PRPF31: variants seen among roughly 807,000 people sequenced by gnomAD.
PRPF31 encodes the protein U4/U6 small nuclear ribonucleoprotein Prp31.
PRPF31 carries 12 observed loss-of-function variants against 60.4 expected under a neutral mutation model. That is an observed-to-expected ratio of 0.20 (90% confidence interval 0.13 to 0.32). The LOEUF (loss-of-function observed/expected upper bound fraction) is 0.32, where lower values mean the gene tolerates loss of function less well. PRPF31 is among the 10% of genes least tolerant of loss of function. The pLI is 1.00. For synonymous variants in PRPF31, 287 were observed against 287.9 expected (o/e 1.00, Z 0.03); for missense variants, 431 against 687.1 (o/e 0.63, Z 4.17).
intron 3 of PRPF31, 42 bp downstream of exon 3, chr19:54,118,675 T>C (rs2073711804): frequency 1.2e-6 from 2 of 1,601,294 alleles, no homozygotes; most frequent in African/African-American, 2.7e-5. Flanking sequence ...CTCCTGTCTC[T>C]CCTGCCAGGC....
chr19:54,124,131 C>A, intron 7 of PRPF31: 1 of 1,080,122 alleles, frequency 9.3e-7, no homozygotes, highest in African/African-American at 1.6e-5. Context: ...TCCCCTGTGC[C>A]GGAAACCCAG....
chr19:54,131,542 C>G lies in PRPF31; in HGVS notation c.*110C>G. 1.3e-6 allele frequency: 2 copies of G among 1,504,426 alleles called. No individual in the cohort carries two copies. The highest frequency in any genetic ancestry group is 3.9e-5 in the Admixed American group (2 of 51,664). The allele number at this position is 1,504,426 out of a possible 1,614,324, so 93.2% of individuals were successfully genotyped here. On this transcript the variant is annotated 3_prime_UTR_variant, in exon 14 of 14. Transcript: ENST00000321030. ...GGGAGAACCTGCCCTGCCACTGGCC[C>G]CATTGCTGGGACTGCCCAGGGAGGA...
intron 8 of PRPF31, chr19:54,125,095 A>C: frequency 3.6e-6 from 1 of 278,524 alleles, no homozygotes; most frequent in Non-Finnish European, 7.1e-6. Flanking sequence ...GGAGAGACAC[A>C]CAGGAGGGGC....
chr19:54,116,033 G>C (rs1568577793), intron 1 of PRPF31, among the ~76,000 whole-genome samples: 1 of 151,590 alleles, frequency 6.6e-6, no homozygotes, highest in Non-Finnish European at 1.5e-5. Context: ...CTCCAGAGTA[G>C]CTGGGATTAC....
chr19:54,121,145 CAA>C (rs1209759093), intron 3 of PRPF31, among the ~76,000 whole-genome samples: 4 of 151,240 alleles, frequency 2.6e-5, no homozygotes, highest in African/African-American at 9.7e-5. Flanking sequence ...TACAAACAAA[CAA>C]AAAAAATTAG....
chr19:54,119,510 T>C (rs1449573004), intron 3 of PRPF31: 2 of 150,246 alleles, frequency 1.3e-5, no homozygotes, highest in Non-Finnish European at 3.0e-5. Flanking sequence ...TTTTTTTTTT[T>C]CCTTGAGATA....
chr19:54,128,486 G>C, intron 11 of PRPF31, 109 bp downstream of exon 11: 1 of 1,184,518 alleles, frequency 8.4e-7, no homozygotes, highest in Non-Finnish European at 1.2e-6. Flanking sequence ...CTCATGTCTA[G>C]GGCGCTGCCC....
At chr19:54,123,640 G>A (rs2073846835) in intron 6 of PRPF31, 80 bp downstream of exon 6, 7 of 1,598,586 alleles carry the variant, frequency 4.4e-6, no homozygotes, top group South Asian at 2.2e-5. Context: ...GTGTACACAC[G>A]CACACACACA....
At chr19:54,127,193 T>G (rs1335438991) in intron 9 of PRPF31, among the ~76,000 whole-genome samples, 1 of 152,202 alleles carries the variant, frequency 6.6e-6, no homozygotes, top group African/African-American at 2.4e-5. Context: ...TGAGTTTCAC[T>G]GGGCTGAAGT....
chr19:54,126,685 G>C, intron 9 of PRPF31, 68 bp downstream of exon 9: 6 of 1,461,518 alleles, frequency 4.1e-6, no homozygotes, highest in Non-Finnish European at 5.7e-6. Flanking sequence ...TCTGCAGGGA[G>C]ACCCTCAGCA....
chr19:54,122,433 TAGGGCCAACCAGC>T, intron 4 of PRPF31, 51 bp from the exon 5 acceptor site: 1 of 1,263,358 alleles, frequency 7.9e-7, no homozygotes, highest in Non-Finnish European at 1.2e-6. Flanking sequence ...ACATGGGTGT[TAGGGCCAACCAGC>T]AGAGTCTACC....
intron 3 of PRPF31, 51 bp from the exon 4 acceptor site, chr19:54,121,807 CGA>C: frequency 6.5e-7 from 1 of 1,537,322 alleles, no homozygotes; most frequent in South Asian, 1.2e-5. Context: ...CTGCGGGACC[CGA>C]GAGGGGGTAG....
At chr19:54,118,134 A>G in intron 1 of PRPF31, 137 bp from the exon 2 acceptor site, 1 of 1,223,256 alleles carries the variant, frequency 8.2e-7, no homozygotes, top group African/African-American at 1.5e-5. Flanking sequence ...AAACTAAAGC[A>G]CCTGTTGTCG....
At chr19:54,123,134 G>T in intron 5 of PRPF31, 1 of 534,490 alleles carries the variant, frequency 1.9e-6, no homozygotes, top group Non-Finnish European at 3.4e-6. Context: ...GGAAGCCCCT[G>T]CAGGGAAGCG....
At chr19:54,116,992 G>T (rs369830968) in intron 1 of PRPF31, among the ~76,000 whole-genome samples, 1 of 152,208 alleles carries the variant, frequency 6.6e-6, no homozygotes, top group Non-Finnish European at 1.5e-5. Flanking sequence ...GCTATCGGGA[G>T]GCTGAGGCGG....
chr19:54,128,244 G>A lies in PRPF31; in HGVS notation c.1073+44G>A, dbSNP rs2073966873. ...CCGGTAGGCATGGGGGTCATGGAGG[G>A]GAGAAGCCGGCGTCCTCCTCCCAGC... On this transcript the variant is annotated intron_variant, in intron 10 of 13. Transcript: ENST00000321030. 3 of 1,561,656 alleles carry A rather than the reference G, an allele frequency of 1.9e-6. No homozygotes were observed. The East Asian group carries it at 6.9e-5, about 36-fold the overall frequency.
intron 8 of PRPF31, among the ~76,000 whole-genome samples, chr19:54,125,834 C>T (rs79307734): frequency 0.085 from 12,958 of 152,268 alleles, 597 homozygotes; most frequent in South Asian, 0.11. Context: ...GCCTGGGGCT[C>T]GGGGCTCCAG....
chr19:54,123,120 G>A, intron 5 of PRPF31: 1 of 519,146 alleles, frequency 1.9e-6, no homozygotes, highest in Non-Finnish European at 3.5e-6. Flanking sequence ...TAGGATGGCG[G>A]TGGGGAAGCC....
chr19:54,121,553 T>G (rs587729061), intron 3 of PRPF31, among the ~76,000 whole-genome samples: 1 of 151,958 alleles, frequency 6.6e-6, no homozygotes, highest in African/African-American at 2.4e-5. Flanking sequence ...GCTTCCGGAG[T>G]TGGGGAGGCC....
Sources: allele counts gnomAD v4.1 joint callset (sites outside exome capture counted in the v4.1 genomes callset), GRCh38; gene constraint gnomAD v4.1.1; transcripts MANE v1.5; gene names NCBI Gene and HGNC (gene_info 2026-07-23, HGNC 2026-07-21).